The following NOMO1 variants were observed in gnomAD, a reference collection of about 807,000 sequenced individuals.
The protein encoded by NOMO1 is NODAL modulator 1.
NOMO1 carries 40 observed loss-of-function variants against 133.8 expected under a neutral mutation model. The ratio of observed to expected loss-of-function variants is 0.30; its 90% CI spans 0.23 to 0.39. The LOEUF (loss-of-function observed/expected upper bound fraction) is 0.39. Among genes scored for constraint, NOMO1 ranks in the 10% least tolerant of loss-of-function variants. The probability of loss-of-function intolerance (pLI) is 1.00; values close to 1 mark genes in which losing one functional copy is unlikely to be tolerated. For missense variants in NOMO1, 462 were observed against 1,419.9 expected, an observed-to-expected ratio of 0.33 and a Z score of 10.84; for synonymous variants, 236 against 570.5, an observed-to-expected ratio of 0.41 and a Z score of 8.36.
At chr16:14,867,161 TA>T (rs1567543262) in intron 15 of NOMO1, among the ~76,000 whole-genome samples, 8 of 22,418 alleles carry the variant, frequency 3.6e-4, no homozygotes, top group African/African-American at 8.9e-4. Context: ...TATATATATA[TA>T]TATATATATA....
chr16:14,852,210 C>T (rs1963767918), intron 6 of NOMO1, among the ~76,000 whole-genome samples: 1 of 149,948 alleles, frequency 6.7e-6, no homozygotes, highest in Non-Finnish European at 1.5e-5. Context: ...ATCTCTTGAA[C>T]CCAGGAGGCA....
At chr16:14,843,568 T>C (rs1963636792) in intron 3 of NOMO1, among the ~76,000 whole-genome samples, 1 of 151,936 alleles carries the variant, frequency 6.6e-6, no homozygotes, top group African/African-American at 2.4e-5. Flanking sequence ...GGGTGTGGTA[T>C]TATCTCACTG....
intron 15 of NOMO1, among the ~76,000 whole-genome samples, 194 bp downstream of exon 15, chr16:14,866,885 A>G (rs1210399472): frequency 4.7e-5 from 7 of 149,796 alleles, no homozygotes; most frequent in Admixed American, 1.3e-4. Context: ...CCCTGTATTT[A>G]GGAGGTTTCC....
intron 29 of NOMO1, among the ~76,000 whole-genome samples, chr16:14,893,619 G>A (rs1964437305): frequency 6.6e-6 from 1 of 151,786 alleles, no homozygotes; most frequent in African/African-American, 2.4e-5. Context: ...TTATGAAAGG[G>A]CATCCCAGGT....
chr16:14,860,818 C>T (rs1963913309), intron 11 of NOMO1, among the ~76,000 whole-genome samples: 1 of 152,000 alleles, frequency 6.6e-6, no homozygotes, highest in African/African-American at 2.4e-5. Flanking sequence ...AGTACATTTG[C>T]CTTTTTAGCA....
chr16:14,887,463 C>CT lies in NOMO1; in HGVS notation c.3324+613dup, dbSNP rs879561214. Among the ~76,000 whole-genome samples, 245 of 145,246 alleles carry CT rather than the reference C, an allele frequency of 1.7e-3. 1 individual carries two copies. The highest frequency in any genetic ancestry group is 2.4e-3 in the East Asian group (12 of 5,038). ...CGTGTGCCACCACACCCGGCTAATT[C>CT]TTTTTTTTTTTTATTTTTAGTAGAG... On this transcript the variant is annotated intron_variant, in intron 28 of 30. Transcript: ENST00000287667.
intron 27 of NOMO1, among the ~76,000 whole-genome samples, chr16:14,886,025 G>T (rs1236082399): frequency 7.9e-5 from 12 of 151,952 alleles, no homozygotes; most frequent in African/African-American, 2.9e-4. Context: ...GGTGGTCCTG[G>T]CATTCTCTTG....
intron 11 of NOMO1, 40 bp downstream of exon 11, chr16:14,857,695 G>A (rs754454385): frequency 3.7e-6 from 6 of 1,613,394 alleles, no homozygotes; most frequent in Middle Eastern, 1.6e-4. Context: ...CAGTAAATAT[G>A]CTGGCAGCCA....
chr16:14,880,803 G>A (rs1018551735), intron 24 of NOMO1, among the ~76,000 whole-genome samples: 34 of 151,172 alleles, frequency 2.2e-4, no homozygotes, highest in African/African-American at 7.3e-4. Flanking sequence ...CCTCTGTCTC[G>A]TCTCCTAGCC....
At chr16:14,846,878 C>T (rs558405521) in intron 5 of NOMO1, among the ~76,000 whole-genome samples, 195 bp downstream of exon 5, 2 of 149,384 alleles carry the variant, frequency 1.3e-5, no homozygotes, top group African/African-American at 4.9e-5. Flanking sequence ...TCTTGCCTAG[C>T]ATTGATGAGA....
At position 14,878,719 on chromosome 16, in the gene NOMO1, A is replaced by G. The variant is rs1372268050; in HGVS notation, c.2644-2A>G. Reference sequence around the variant, plus strand: ...GCTCTGGTCTCACCTTCTCATCCCCAGATAAAAGCTGAGGATGACCAGCCC... The same window carrying G: ...GCTCTGGTCTCACCTTCTCATCCCCGGATAAAAGCTGAGGATGACCAGCCC... On this transcript the variant is annotated splice_acceptor_variant, in intron 22 of 30. Transcript: ENST00000287667. LOFTEE classifies it high-confidence loss of function. The G allele has an allele frequency of 8.1e-6, 13 of 1,611,346 alleles. No homozygotes were observed. The highest frequency in any genetic ancestry group is 2.3e-4 in the Middle Eastern group (1 of 4,430).
At chr16:14,844,276 G>A (rs1297624093) in intron 3 of NOMO1, among the ~76,000 whole-genome samples, 1 of 152,042 alleles carries the variant, frequency 6.6e-6, no homozygotes, top group South Asian at 2.1e-4. Context: ...ATTACTGCCT[G>A]TCTCTTAAGA....
At chr16:14,869,772 C>T (rs565131505) in intron 16 of NOMO1, among the ~76,000 whole-genome samples, 1 of 151,692 alleles carries the variant, frequency 6.6e-6, no homozygotes. Context: ...AATGGAATTG[C>T]TGCATTGTGT....
intron 11 of NOMO1, among the ~76,000 whole-genome samples, chr16:14,859,698 A>G (rs1963894122): frequency 6.6e-6 from 1 of 152,112 alleles, no homozygotes; most frequent in African/African-American, 2.4e-5. Context: ...CTAAAAATAA[A>G]TAAATAAAGA....
chr16:14,866,495 C>T (rs1011896373), intron 14 of NOMO1, 60 bp from the exon 15 acceptor site: 18 of 1,609,706 alleles, frequency 1.1e-5, no homozygotes, highest in African/African-American at 2.7e-5. Flanking sequence ...TTTCTGGTGG[C>T]GTGGAGGGAG....
At chr16:14,883,250 G>T (rs1160890292) in intron 26 of NOMO1, among the ~76,000 whole-genome samples, 2 of 151,936 alleles carry the variant, frequency 1.3e-5, no homozygotes, top group African/African-American at 4.8e-5. Context: ...CTGCCTCTTA[G>T]TGGCTTTATT....
intron 28 of NOMO1, among the ~76,000 whole-genome samples, chr16:14,887,165 G>T (rs558708627): frequency 6.6e-6 from 1 of 152,070 alleles, no homozygotes; most frequent in Admixed American, 6.5e-5. Context: ...GCACGTGTGC[G>T]CATGCATGTA....
intron 6 of NOMO1, among the ~76,000 whole-genome samples, chr16:14,850,444 A>G (rs1275571045): frequency 6.6e-6 from 1 of 151,282 alleles, no homozygotes; most frequent in African/African-American, 2.4e-5. Context: ...GTTCTTTAGC[A>G]TATCTTTTTT....
At chr16:14,860,777 G>GA (rs1365035367) in intron 11 of NOMO1, among the ~76,000 whole-genome samples, 1 of 151,996 alleles carries the variant, frequency 6.6e-6, no homozygotes, top group Non-Finnish European at 1.5e-5. Flanking sequence ...AACATTTTTG[G>GA]AAAAATCTCT....
Sources: allele counts gnomAD v4.1 joint callset (sites outside exome capture counted in the v4.1 genomes callset), GRCh38; gene constraint gnomAD v4.1.1; transcripts MANE v1.5; gene names NCBI Gene and HGNC (gene_info 2026-07-23, HGNC 2026-07-21).